Variants in TLL1 observed in about 807,000 individuals in gnomAD.
The protein encoded by TLL1 is tolloid like 1.
In TLL1, 49 loss-of-function variants were observed where a neutral mutation model predicts 128.2. The observed-to-expected ratio is 0.38, with a 90% CI of 0.30 to 0.48. The LOEUF (loss-of-function observed/expected upper bound fraction) is 0.48. TLL1 is among the 20% of genes least tolerant of loss of function. The pLI is 0.96. For synonymous variants in TLL1, 454 were observed against 418.8 expected, an observed-to-expected ratio of 1.08 and a Z score of -1.03; for missense variants, 1,123 against 1,242.0, an observed-to-expected ratio of 0.90 and a Z score of 1.44.
intron 1 of TLL1, among the ~76,000 whole-genome samples, chr4:165,921,327 G>T (rs1235051229): frequency 1.3e-5 from 2 of 152,062 alleles, no homozygotes. Context: ...GTGTATTTTG[G>T]TTAAAGCAAG....
chr4:166,000,633 T>C (rs1737105519), intron 5 of TLL1, among the ~76,000 whole-genome samples: 1 of 152,204 alleles, frequency 6.6e-6, no homozygotes, highest in Admixed American at 6.5e-5. Flanking sequence ...TTAGTTGCTG[T>C]ATAATCATCA....
chr4:166,048,342 G>A (rs1739558978), intron 12 of TLL1, among the ~76,000 whole-genome samples: 1 of 151,726 alleles, frequency 6.6e-6, no homozygotes, highest in Non-Finnish European at 1.5e-5. Context: ...GAATCTGCTA[G>A]TGCCTTAACC....
chr4:166,088,824 G>A lies in TLL1; in HGVS notation c.2443-2304G>A, dbSNP rs1741636860. On this transcript the variant is annotated intron_variant, in intron 18 of 20. Transcript: ENST00000061240. ...CCAGCTCAATGCTACTTTGTGTGGTGTTGCTCCGTTCTGTTAAGCAGATGT... is the reference window on the plus strand; with the variant it reads ...CCAGCTCAATGCTACTTTGTGTGGTATTGCTCCGTTCTGTTAAGCAGATGT... 3.3e-5 allele frequency among the ~76,000 whole-genome samples: 5 copies of A among 152,172 alleles called. No homozygotes were observed. In the South Asian group the frequency reaches 1.0e-3, roughly 32 times the overall value.
At chr4:166,011,846 T>C (rs890500459) in intron 7 of TLL1, among the ~76,000 whole-genome samples, 3 of 151,480 alleles carry the variant, frequency 2.0e-5, no homozygotes, top group Non-Finnish European at 4.4e-5. Context: ...TATGAAAGGG[T>C]GTTGAATCTG....
intron 8 of TLL1, among the ~76,000 whole-genome samples, chr4:166,017,270 C>T (rs1245484749): frequency 2.0e-5 from 3 of 152,140 alleles, no homozygotes; most frequent in Non-Finnish European, 4.4e-5. Flanking sequence ...AACATGATTT[C>T]ATTCCTTTTA....
intron 1 of TLL1, among the ~76,000 whole-genome samples, chr4:165,944,226 T>C (rs973012293): frequency 3.9e-5 from 6 of 152,164 alleles, no homozygotes; most frequent in Non-Finnish European, 7.3e-5. Flanking sequence ...ATTTGTCTTC[T>C]CTGACCTACA....
intron 9 of TLL1, among the ~76,000 whole-genome samples, chr4:166,038,551 G>T (rs377654206): frequency 6.6e-6 from 1 of 151,656 alleles, no homozygotes; most frequent in Non-Finnish European, 1.5e-5. Context: ...GCGTAAGTTT[G>T]GCTTTACTTT....
At chr4:166,092,984 C>G (rs559555365) in intron 19 of TLL1, among the ~76,000 whole-genome samples, 1 of 150,346 alleles carries the variant, frequency 6.7e-6, no homozygotes, top group African/African-American at 2.4e-5. Context: ...GACTTCTGCC[C>G]GTGCACGCCA....
intron 7 of TLL1, among the ~76,000 whole-genome samples, chr4:166,009,793 A>C (rs1737602038): frequency 6.6e-6 from 1 of 151,502 alleles, no homozygotes; most frequent in Non-Finnish European, 1.5e-5. Context: ...ACTCCCTCAA[A>C]GTTTTTGAAA....
intron 1 of TLL1, among the ~76,000 whole-genome samples, chr4:165,906,021 C>G (rs531110237): frequency 6.6e-6 from 1 of 152,074 alleles, no homozygotes; most frequent in East Asian, 1.9e-4. Flanking sequence ...CATTATAATT[C>G]AGGAGTCAGC....
chr4:165,954,319 G>A (rs917785811), intron 1 of TLL1, among the ~76,000 whole-genome samples: 3 of 152,106 alleles, frequency 2.0e-5, no homozygotes, highest in Non-Finnish European at 4.4e-5. Context: ...AATACACTTA[G>A]AAGGAATAAG....
chr4:165,933,688 C>G (rs1283652095), intron 1 of TLL1, among the ~76,000 whole-genome samples: 2 of 152,122 alleles, frequency 1.3e-5, no homozygotes, highest in South Asian at 2.1e-4. Flanking sequence ...GGCTTCTTAC[C>G]TAGAATAGCA....
chr4:165,933,441 T>G (rs1733621220), intron 1 of TLL1, among the ~76,000 whole-genome samples: 1 of 152,158 alleles, frequency 6.6e-6, no homozygotes, highest in Non-Finnish European at 1.5e-5. Flanking sequence ...TGAGGCAGAC[T>G]GCACAGACCG....
Position 166,087,327 on chromosome 4 carries a change from T to G in TLL1, c.2443-3801T>G, listed in dbSNP as rs191732787. ...AACATCTACAACTGTTAAATAATTA[T>G]CCATCATAAATCCATAAAAATATAT... On this transcript the variant is annotated intron_variant, in intron 18 of 20. Coordinates refer to ENST00000061240, the MANE Select transcript of TLL1 (RefSeq NM_012464.5). Among the ~76,000 whole-genome samples, 19 of 152,212 alleles carry G rather than the reference T, an allele frequency of 1.2e-4. No individual in the cohort carries two copies. The East Asian group carries it at 3.7e-3, about 29-fold the overall frequency.
At chr4:166,067,905 G>T (rs891106569) in intron 16 of TLL1, among the ~76,000 whole-genome samples, 1 of 151,694 alleles carries the variant, frequency 6.6e-6, no homozygotes, top group Non-Finnish European at 1.5e-5. Context: ...AGTATCTCTT[G>T]GTCCAAAGAC....
At chr4:166,043,201 T>C in intron 11 of TLL1, 73 bp from the exon 12 acceptor site, 2 of 1,604,628 alleles carry the variant, frequency 1.2e-6, no homozygotes, top group Non-Finnish European at 8.5e-7. Context: ...ACTTCAATGT[T>C]ACCCTAGAAG....
intron 1 of TLL1, among the ~76,000 whole-genome samples, chr4:165,922,247 G>A (rs1034331629): frequency 6.6e-6 from 1 of 152,156 alleles, no homozygotes; most frequent in African/African-American, 2.4e-5. Context: ...CTTAAGAGGA[G>A]TATTTGTTTT....
intron 1 of TLL1, among the ~76,000 whole-genome samples, chr4:165,886,789 T>C (rs1731180124): frequency 6.6e-6 from 1 of 152,218 alleles, no homozygotes; most frequent in African/African-American, 2.4e-5. Context: ...TGGAATATTT[T>C]CCATCTGTAG....
At chr4:166,014,822 C>T (rs1185499425) in intron 8 of TLL1, among the ~76,000 whole-genome samples, 1 of 151,892 alleles carries the variant, frequency 6.6e-6, no homozygotes, top group Non-Finnish European at 1.5e-5. Context: ...AGTGAAAGAG[C>T]AAAATAGAAT....
Sources: gnomAD v4.1 joint callset for allele counts (sites outside exome capture counted in the v4.1 genomes callset) on GRCh38, gnomAD v4.1.1 for gene constraint, MANE v1.5 for transcripts, NCBI Gene and HGNC (gene_info 2026-07-23, HGNC 2026-07-21) for gene names.